Variants in MMP26 observed in about 807,000 individuals in gnomAD.
MMP26 encodes matrix metallopeptidase 26.
MMP26 carries 33 observed loss-of-function variants against 31.0 expected under a neutral mutation model. The ratio of observed to expected loss-of-function variants is 1.06; its 90% CI spans 0.81 to 1.42. The LOEUF (loss-of-function observed/expected upper bound fraction) is 1.42. Among genes scored for constraint, MMP26 ranks in the 40% most tolerant of loss-of-function variants. MMP26 has a pLI of 0.00. For synonymous variants in MMP26, 122 were observed against 114.9 expected (o/e 1.06, Z -0.40); for missense variants, 347 against 316.1 (o/e 1.10, Z -0.74).
intron 1 of MMP26, among the ~76,000 whole-genome samples, chr11:4,706,299 A>G (rs1847776032): frequency 6.6e-6 from 1 of 151,932 alleles, no homozygotes; most frequent in Non-Finnish European, 1.5e-5. Context: ...ATAAAATCAC[A>G]CTTGTAATCC....
intron 2 of MMP26, among the ~76,000 whole-genome samples, chr11:4,874,772 A>G (rs1174939802): frequency 1.3e-5 from 2 of 152,112 alleles, no homozygotes; most frequent in Non-Finnish European, 2.9e-5. Flanking sequence ...TGACACCAAA[A>G]AATTGAAATG....
chr11:4,806,927 C>T (rs1849278392), intron 2 of MMP26, among the ~76,000 whole-genome samples: 1 of 152,108 alleles, frequency 6.6e-6, no homozygotes, highest in East Asian at 1.9e-4. Context: ...CCCTGTATAT[C>T]ACCCTCAAAT....
At chr11:4,728,018 G>A (rs999566440) in intron 1 of MMP26, among the ~76,000 whole-genome samples, 6 of 152,118 alleles carry the variant, frequency 3.9e-5, no homozygotes, top group South Asian at 2.1e-4. Context: ...CAGTTCTCCT[G>A]AGAAGTAAAA....
intron 2 of MMP26, chr11:4,875,402 T>G (rs1219453428): frequency 6.6e-6 from 1 of 152,108 alleles, no homozygotes; most frequent in Non-Finnish European, 1.5e-5. Context: ...ATATATTTAT[T>G]TTTAACAGTT....
intron 2 of MMP26, among the ~76,000 whole-genome samples, chr11:4,897,779 A>G (rs1428032905): frequency 6.6e-6 from 1 of 151,568 alleles, no homozygotes; most frequent in South Asian, 2.1e-4. Flanking sequence ...GCTTTTAATA[A>G]TGTGCTTCCA....
chr11:4,734,099 T>G (rs1382836588), intron 1 of MMP26, among the ~76,000 whole-genome samples: 1 of 152,200 alleles, frequency 6.6e-6, no homozygotes, highest in Non-Finnish European at 1.5e-5. Context: ...TTCATCTATA[T>G]TCACAAGAAA....
intron 1 of MMP26, chr11:4,724,035 G>T: frequency 1.5e-6 from 1 of 672,798 alleles, no homozygotes; most frequent in Non-Finnish European, 2.7e-6. Flanking sequence ...GGCTACCCCG[G>T]AAGCTGCTGG....
intron 1 of MMP26, among the ~76,000 whole-genome samples, chr11:4,733,362 A>G (rs1848198317): frequency 1.3e-5 from 2 of 152,154 alleles, no homozygotes; most frequent in African/African-American, 2.4e-5. Flanking sequence ...TTGGTGTATG[A>G]TATTTTCAGT....
chr11:4,966,192 A>G (rs1370739929), intron 2 of MMP26, among the ~76,000 whole-genome samples: 1 of 152,164 alleles, frequency 6.6e-6, no homozygotes, highest in Non-Finnish European at 1.5e-5. Flanking sequence ...GTGCTCTTAC[A>G]ATAGGGAAAA....
At chr11:4,804,024 C>T in intron 2 of MMP26, 4 of 1,613,962 alleles carry the variant, frequency 2.5e-6, no homozygotes, top group Non-Finnish European at 3.4e-6. Flanking sequence ...GGGCCATAGC[C>T]ATGAGCACCC....
intron 2 of MMP26, among the ~76,000 whole-genome samples, chr11:4,967,228 G>A (rs1846608196): frequency 6.6e-6 from 1 of 152,114 alleles, no homozygotes; most frequent in Non-Finnish European, 1.5e-5. Context: ...CAATAAGGGA[G>A]TACTGTAATT....
At chr11:4,863,407 T>C (rs940188195) in intron 2 of MMP26, among the ~76,000 whole-genome samples, 17 of 152,242 alleles carry the variant, frequency 1.1e-4, no homozygotes, top group African/African-American at 3.9e-4. Context: ...CTTCTTCTTT[T>C]ACTCCTAATA....
chr11:4,748,576 C>CAAAAAAAAAAA (rs376553434), intron 1 of MMP26, among the ~76,000 whole-genome samples: 1 of 122,714 alleles, frequency 8.1e-6, no homozygotes, highest in African/African-American at 2.9e-5. Context: ...AACAGCACAT[C>CAAAAAAAAAAA]AAAAAAAAAA....
intron 2 of MMP26, chr11:4,847,354 A>G (rs1311041904): frequency 1.3e-5 from 2 of 152,386 alleles, no homozygotes; most frequent in East Asian, 3.9e-4. Flanking sequence ...CCATTTACAT[A>G]AAACATTATA....
intron 2 of MMP26, among the ~76,000 whole-genome samples, chr11:4,772,315 A>G (rs1848736889): frequency 6.6e-6 from 1 of 152,204 alleles, no homozygotes; most frequent in South Asian, 2.1e-4. Flanking sequence ...AGAGATGTAC[A>G]TCATTGTCTC....
intron 2 of MMP26, among the ~76,000 whole-genome samples, chr11:4,963,833 TC>T (rs1289065909): frequency 6.6e-6 from 1 of 152,198 alleles, no homozygotes; most frequent in African/African-American, 2.4e-5. Flanking sequence ...TGGCATCTCA[TC>T]GTGGTTTTGA....
intron 1 of MMP26, among the ~76,000 whole-genome samples, chr11:4,747,915 A>G (rs1347958850): frequency 1.3e-5 from 2 of 152,102 alleles, no homozygotes; most frequent in East Asian, 3.8e-4. Context: ...AAATGGAACC[A>G]AAGCTAGCAG....
chr11:4,860,430 A>G lies in MMP26; in HGVS notation c.-145+93089A>G, dbSNP rs1280948071. On this transcript the variant is annotated intron_variant, in intron 2 of 7. Transcript: ENST00000380390. ...CCACCTTGATGACAGCTAGGATGGT[A>G]CCATTTCCCAGGAGTGTGAGTGTGT... The G allele has an allele frequency of 1.3e-5, 6 of 470,998 alleles. No homozygotes were observed. In the Middle Eastern group the frequency reaches 9.7e-4, roughly 76 times the overall value. The allele number at this position is 470,998 out of a possible 1,614,324, so 29.2% of individuals were successfully genotyped here. A position where few individuals can be genotyped will look rare whatever the true frequency, so the allele number is the denominator to read the frequency against.
At chr11:4,910,908 T>C (rs1280117945) in intron 2 of MMP26, among the ~76,000 whole-genome samples, 1 of 152,186 alleles carries the variant, frequency 6.6e-6, no homozygotes, top group African/African-American at 2.4e-5. Context: ...AATTATAATA[T>C]GTCAATCATA....
Sources: gnomAD v4.1 joint callset for allele counts (sites outside exome capture counted in the v4.1 genomes callset) on GRCh38, gnomAD v4.1.1 for gene constraint, MANE v1.5 for transcripts, NCBI Gene and HGNC (gene_info 2026-07-23, HGNC 2026-07-21) for gene names.